TRAPPC8: variants seen among roughly 807,000 people sequenced by gnomAD.
The protein encoded by TRAPPC8 is trafficking protein particle complex subunit 8.
Under a neutral mutation model 174.3 loss-of-function variants are expected in TRAPPC8, and 54 were observed. The ratio of observed to expected loss-of-function variants is 0.31; its 90% CI spans 0.25 to 0.39. TRAPPC8 has a LOEUF of 0.39. TRAPPC8 is among the 10% of genes least tolerant of loss of function. TRAPPC8 has a pLI of 1.00. For missense variants in TRAPPC8, 1,531 were observed against 1,699.1 expected, an observed-to-expected ratio of 0.90 and a Z score of 1.74; for synonymous variants, 630 against 579.9, an observed-to-expected ratio of 1.09 and a Z score of -1.24.
At chr18:31,900,657 T>C (rs1448074477) in intron 10 of TRAPPC8, among the ~76,000 whole-genome samples, 2 of 152,232 alleles carry the variant, frequency 1.3e-5, no homozygotes, top group South Asian at 2.1e-4. Context: ...CCTAACTTGA[T>C]AGCAGTTTAA....
chr18:31,904,600 G>A (rs2036581639), intron 9 of TRAPPC8, among the ~76,000 whole-genome samples: 1 of 152,204 alleles, frequency 6.6e-6, no homozygotes, highest in Admixed American at 6.5e-5. Flanking sequence ...ATAGTTCCAT[G>A]AATGACAATA....
intron 19 of TRAPPC8, among the ~76,000 whole-genome samples, chr18:31,863,800 A>G (rs1161976612): frequency 6.6e-6 from 1 of 152,038 alleles, no homozygotes; most frequent in African/African-American, 2.4e-5. Flanking sequence ...AGCCTGATCC[A>G]AAGTGGACCA....
At chr18:31,941,716 A>G (rs2038353312) in intron 1 of TRAPPC8, among the ~76,000 whole-genome samples, 1 of 152,192 alleles carries the variant, frequency 6.6e-6, no homozygotes, top group Non-Finnish European at 1.5e-5. Context: ...GCTAACAAAC[A>G]TCACAGTCGT....
chr18:31,918,821 T>C (rs2037255444), intron 2 of TRAPPC8, among the ~76,000 whole-genome samples: 1 of 152,248 alleles, frequency 6.6e-6, no homozygotes, highest in South Asian at 2.1e-4. Flanking sequence ...ATCACAATTA[T>C]TCTTTTTATT....
At chr18:31,878,231 C>T (rs965315235) in intron 12 of TRAPPC8, among the ~76,000 whole-genome samples, 1 of 152,046 alleles carries the variant, frequency 6.6e-6, no homozygotes, top group Non-Finnish European at 1.5e-5. Flanking sequence ...TGGTGCACCC[C>T]ATCCCAAAAA....
chr18:31,884,645 A>C (rs1431994689), intron 12 of TRAPPC8, among the ~76,000 whole-genome samples: 1 of 152,122 alleles, frequency 6.6e-6, no homozygotes, highest in Non-Finnish European at 1.5e-5. Flanking sequence ...AAAATATACT[A>C]GTTTCCACTG....
At chr18:31,919,627 T>G (rs2037302811) in intron 2 of TRAPPC8, among the ~76,000 whole-genome samples, 1 of 149,748 alleles carries the variant, frequency 6.7e-6, no homozygotes, top group East Asian at 1.9e-4. Flanking sequence ...GAGGCTGAGG[T>G]GAGTGGACTG....
At chr18:31,842,400 G>A (rs2033155270) in intron 26 of TRAPPC8, among the ~76,000 whole-genome samples, 1 of 152,188 alleles carries the variant, frequency 6.6e-6, no homozygotes, top group African/African-American at 2.4e-5. Flanking sequence ...TCAGAACACT[G>A]ATTGTGAGAC....
At chr18:31,880,122 T>TATATA (rs1491572903) in intron 12 of TRAPPC8, among the ~76,000 whole-genome samples, 726 of 65,512 alleles carry the variant, frequency 0.011, 3 homozygotes, top group South Asian at 0.017. Flanking sequence ...TATATATATA[T>TATATA]TTTTTTTTTT....
At chr18:31,887,182 G>A (rs558627852) in intron 12 of TRAPPC8, among the ~76,000 whole-genome samples, 1 of 152,186 alleles carries the variant, frequency 6.6e-6, no homozygotes, top group East Asian at 1.9e-4. Context: ...AGGATGCAAG[G>A]CTGGTTCAAC....
At chr18:31,942,083 T>C (rs561765032) in intron 1 of TRAPPC8, among the ~76,000 whole-genome samples, 5 of 152,208 alleles carry the variant, frequency 3.3e-5, no homozygotes, top group Non-Finnish European at 7.3e-5. Context: ...AAATACCGTA[T>C]AGCTAAGAAT....
At position 31,853,245 on chromosome 18, in the gene TRAPPC8, A is replaced by G. The variant is rs560817865; in HGVS notation, c.3434-582T>C. ...GAGAAAATTCCATATTCTAGTCTAT[A>G]TATTTTTGTACCAGTTAAGTTTTGT... On this transcript the variant is annotated intron_variant, in intron 22 of 28. Transcript: ENST00000283351. 2.0e-5 allele frequency among the ~76,000 whole-genome samples: 3 copies of G among 152,136 alleles called. No homozygotes were observed. The South Asian group carries it at 6.2e-4, about 32-fold the overall frequency.
intron 2 of TRAPPC8, among the ~76,000 whole-genome samples, chr18:31,919,426 G>A (rs184542116): frequency 5.1e-4 from 78 of 151,516 alleles, no homozygotes; most frequent in South Asian, 1.9e-3. Flanking sequence ...CCAGCTATTC[G>A]GGGGGCTGAG....
At chr18:31,906,993 T>C (rs2036688170) in intron 9 of TRAPPC8, among the ~76,000 whole-genome samples, 1 of 152,112 alleles carries the variant, frequency 6.6e-6, no homozygotes, top group African/African-American at 2.4e-5. Context: ...TAAAAAAACT[T>C]CTAAAAAAAT....
Position 31,857,841 on chromosome 18 carries a change from T to TA in TRAPPC8, c.2886dup (p.Asn963Ter). 6.2e-7 allele frequency: 1 copy of TA among 1,614,198 alleles called. No homozygotes were observed. The highest frequency in any genetic ancestry group is 8.5e-7 in the Non-Finnish European group (1 of 1,180,020). The stretch of plus-strand genomic sequence containing the variant: ...CTTAGTGGTGTTAGAACAGCAGTAT[T>TA]ACCACCGAAAGTAAAGAACTCTGGA... On this transcript the variant is annotated frameshift_variant, in exon 20 of 29. Coordinates refer to ENST00000283351, the MANE Select transcript of TRAPPC8 (RefSeq NM_014939.5). LOFTEE classifies it high-confidence loss of function.
At chr18:31,846,320 T>A (rs2033398803) in intron 26 of TRAPPC8, among the ~76,000 whole-genome samples, 1 of 152,192 alleles carries the variant, frequency 6.6e-6, no homozygotes. Flanking sequence ...ACGCCTATAA[T>A]CTCAGCACTT....
chr18:31,885,354 T>C (rs1462953664), intron 12 of TRAPPC8, among the ~76,000 whole-genome samples: 1 of 152,162 alleles, frequency 6.6e-6, no homozygotes, highest in East Asian at 1.9e-4. Flanking sequence ...GACTGTAACC[T>C]TCACGAGTGT....
intron 11 of TRAPPC8, among the ~76,000 whole-genome samples, chr18:31,897,210 A>C (rs2145404829): frequency 6.6e-6 from 1 of 152,334 alleles, no homozygotes; most frequent in Non-Finnish European, 1.5e-5. Flanking sequence ...ATTCTTTACA[A>C]GCCTGCAGTC....
chr18:31,878,648 T>A (rs2035277795), intron 12 of TRAPPC8, among the ~76,000 whole-genome samples: 1 of 152,152 alleles, frequency 6.6e-6, no homozygotes, highest in Non-Finnish European at 1.5e-5. Context: ...AAACCTCACT[T>A]ATCAATATTA....
Sources: gnomAD v4.1 joint callset for allele counts (sites outside exome capture counted in the v4.1 genomes callset) on GRCh38, gnomAD v4.1.1 for gene constraint, MANE v1.5 for transcripts, NCBI Gene and HGNC (gene_info 2026-07-23, HGNC 2026-07-21) for gene names.